Variants in SAMSN1 observed in about 807,000 individuals in gnomAD.
The protein encoded by SAMSN1 is SAM domain, SH3 domain and nuclear localization signals 1.
A neutral mutation model predicts 42.0 loss-of-function variants in SAMSN1; 31 were observed. The ratio of observed to expected loss-of-function variants is 0.74; its 90% CI spans 0.55 to 1.00. The LOEUF (loss-of-function observed/expected upper bound fraction) is 1.00, where lower values mean the gene tolerates loss of function less well. Among genes scored for constraint, SAMSN1 ranks in the 50% least tolerant of loss-of-function variants. The probability of loss-of-function intolerance (pLI) is 0.00; values close to 1 mark genes in which losing one functional copy is unlikely to be tolerated. For synonymous variants in SAMSN1, 178 were observed against 151.9 expected, an observed-to-expected ratio of 1.17 and a Z score of -1.26; for missense variants, 464 against 439.4, an observed-to-expected ratio of 1.06 and a Z score of -0.50.
At chr21:14,601,119 A>T (rs958111403) in intron 6 of SAMSN1, among the ~76,000 whole-genome samples, 2 of 152,204 alleles carry the variant, frequency 1.3e-5, no homozygotes, top group Admixed American at 1.3e-4. Context: ...TCAAAGCAAG[A>T]TTCAAACTGA....
intron 1 of SAMSN1, among the ~76,000 whole-genome samples, chr21:14,649,146 CATT>C (rs1366996931): frequency 1.3e-5 from 2 of 151,912 alleles, no homozygotes; most frequent in African/African-American, 2.4e-5. Context: ...TGGAAATCAT[CATT>C]GTCAGTAAAA....
In SAMSN1 at chr21:14,642,654, T is replaced by A. The variant is rs186180210; in HGVS notation, c.156+348A>T. On this transcript the variant is annotated intron_variant, in intron 2 of 15. Coordinates refer to the SAMSN1 transcript ENST00000647101. ...TGATTCAGATATGTATCTGTTTAAA[T>A]GCCAACTTTAACACTTAATAGTTTA... Among the ~76,000 whole-genome samples the A allele has an allele frequency of 1.5e-3, 221 of 152,332 alleles. 4 individuals carry two copies. The highest frequency in any genetic ancestry group is 0.013 in the Admixed American group (200 of 15,296).
chr21:14,556,394 A>T (rs1363989736), intron 2 of SAMSN1, among the ~76,000 whole-genome samples: 1 of 152,204 alleles, frequency 6.6e-6, no homozygotes, highest in African/African-American at 2.4e-5. Flanking sequence ...ATTACGGTGG[A>T]TGTTTTTAAT....
At chr21:14,597,921 C>A (rs1312240091) in intron 6 of SAMSN1, 2 of 151,884 alleles carry the variant, frequency 1.3e-5, no homozygotes, top group Non-Finnish European at 2.9e-5. Flanking sequence ...TTTTTATTTT[C>A]CAGAAAAGAA....
At chr21:14,520,094 C>A (rs1172977422) in intron 2 of SAMSN1, among the ~76,000 whole-genome samples, 1 of 152,166 alleles carries the variant, frequency 6.6e-6, no homozygotes, top group Non-Finnish European at 1.5e-5. Flanking sequence ...ATAAAGTTAG[C>A]ATTGTGCTTA....
intron 7 of SAMSN1, among the ~76,000 whole-genome samples, chr21:14,491,463 C>T (rs1986681627): frequency 6.6e-6 from 1 of 152,144 alleles, no homozygotes; most frequent in Non-Finnish European, 1.5e-5. Context: ...AAGCTACCTT[C>T]CCTCTACCAG....
intron 7 of SAMSN1, among the ~76,000 whole-genome samples, chr21:14,498,056 C>A (rs1292221235): frequency 6.6e-6 from 1 of 152,202 alleles, no homozygotes; most frequent in African/African-American, 2.4e-5. Context: ...GGCTCATTAT[C>A]TTAAAGCCTC....
Position 14,553,351 on chromosome 21 carries a change from A to C in SAMSN1, c.261+28785T>G, listed in dbSNP as rs540838596. Reference sequence around the variant, plus strand: ...ATGATTGGTTCTCTATATATTGTTAATATTTCACCAATAAATACTCTGACA... The same window carrying C: ...ATGATTGGTTCTCTATATATTGTTACTATTTCACCAATAAATACTCTGACA... On this transcript the variant is annotated intron_variant, in intron 2 of 8. Transcript: ENST00000285670. Among the ~76,000 whole-genome samples, 262 of 152,216 alleles carry C rather than the reference A, an allele frequency of 1.7e-3. 1 individual carries two copies. The highest frequency in any genetic ancestry group is 3.2e-3 in the Non-Finnish European group (219 of 68,006).
chr21:14,530,467 T>C (rs1979198578), intron 1 of SAMSN1, among the ~76,000 whole-genome samples: 1 of 152,200 alleles, frequency 6.6e-6, no homozygotes, highest in African/African-American at 2.4e-5. Flanking sequence ...TCTAATATAA[T>C]TCTCTCCCAA....
chr21:14,593,411 T>C (rs759443118), intron 7 of SAMSN1, among the ~76,000 whole-genome samples: 2 of 152,124 alleles, frequency 1.3e-5, no homozygotes, highest in Non-Finnish European at 2.9e-5. Context: ...GTGAATATCC[T>C]GGAAATTTGC....
chr21:14,588,529 G>A (rs373817702), intron 7 of SAMSN1, among the ~76,000 whole-genome samples: 1 of 151,430 alleles, frequency 6.6e-6, no homozygotes, highest in African/African-American at 2.4e-5. Flanking sequence ...GTGTTTTTTG[G>A]CTGCATAAAT....
At chr21:14,525,904 A>C (rs1030380776) in intron 1 of SAMSN1, among the ~76,000 whole-genome samples, 1 of 152,196 alleles carries the variant, frequency 6.6e-6, no homozygotes, top group Admixed American at 6.5e-5. Flanking sequence ...TCCCTCTGTT[A>C]TGCAGGCTGG....
chr21:14,566,507 A>G (rs7278823), intron 2 of SAMSN1, among the ~76,000 whole-genome samples: 152,111 of 152,114 alleles, frequency 1, 76,054 homozygotes, highest in Middle Eastern at 1. Context: ...GTTGGCCCAT[A>G]AAAAAATCTA....
intron 2 of SAMSN1, among the ~76,000 whole-genome samples, chr21:14,566,343 T>C (rs1354833119): frequency 6.6e-6 from 1 of 152,190 alleles, no homozygotes; most frequent in Non-Finnish European, 1.5e-5. Context: ...ATCATTAATT[T>C]TGTTACCATT....
intron 2 of SAMSN1, among the ~76,000 whole-genome samples, chr21:14,635,198 G>T (rs538334402): frequency 1.3e-5 from 2 of 152,298 alleles, no homozygotes; most frequent in South Asian, 4.1e-4. Flanking sequence ...ATGACGAGGG[G>T]AGGGATAGCA....
chr21:14,592,752 A>C (rs911395079), intron 7 of SAMSN1: 13 of 212,274 alleles, frequency 6.1e-5, no homozygotes, highest in Non-Finnish European at 1.4e-4. Context: ...GTGGAAACGG[A>C]AATGCAGAAA....
intron 7 of SAMSN1, chr21:14,591,485 TCTAGTA>T (rs1982081650): frequency 6.6e-6 from 1 of 152,182 alleles, no homozygotes; most frequent in Non-Finnish European, 1.5e-5. Flanking sequence ...TCTTTGGGGT[TCTAGTA>T]CTGTTTTACA....
At chr21:14,637,250 A>T (rs1385910489) in intron 2 of SAMSN1, among the ~76,000 whole-genome samples, 1 of 152,212 alleles carries the variant, frequency 6.6e-6, no homozygotes. Context: ...TTGAAGTTTC[A>T]GCATCGAACT....
intron 4 of SAMSN1, among the ~76,000 whole-genome samples, chr21:14,612,247 A>G (rs954526801): frequency 3.3e-5 from 5 of 152,158 alleles, no homozygotes; most frequent in Admixed American, 2.6e-4. Context: ...ATAACTAAAT[A>G]AATAAAATTA....
Sources: allele counts gnomAD v4.1 joint callset (sites outside exome capture counted in the v4.1 genomes callset), GRCh38; gene constraint gnomAD v4.1.1; transcripts MANE v1.5; gene names NCBI Gene and HGNC (gene_info 2026-07-23, HGNC 2026-07-21).